The following GFRA2 variants were observed in gnomAD, a reference collection of about 807,000 sequenced individuals.
GFRA2 encodes the protein GDNF family receptor alpha-2.
In GFRA2, 17 loss-of-function variants were observed where a neutral mutation model predicts 48.3. The ratio of observed to expected loss-of-function variants is 0.35; its 90% CI spans 0.24 to 0.53. The LOEUF (loss-of-function observed/expected upper bound fraction) is 0.53, where lower values mean the gene tolerates loss of function less well. Among genes scored for constraint, GFRA2 ranks in the 20% least tolerant of loss-of-function variants. GFRA2 has a pLI of 0.93. For synonymous variants in GFRA2, 305 were observed against 257.2 expected, an observed-to-expected ratio of 1.19 and a Z score of -1.78; for missense variants, 660 against 637.3, an observed-to-expected ratio of 1.04 and a Z score of -0.38.
At chr8:21,737,510 G>A (rs1401812247) in intron 4 of GFRA2, among the ~76,000 whole-genome samples, 2 of 152,140 alleles carry the variant, frequency 1.3e-5, no homozygotes, top group Non-Finnish European at 2.9e-5. Flanking sequence ...TAGGTGTGGT[G>A]CCTGGGAGGA....
Position 21,761,202 on chromosome 8 carries a change from T to C in GFRA2, c.440-10260A>G, listed in dbSNP as rs565713456. On this transcript the variant is annotated intron_variant, in intron 3 of 8. Transcript: ENST00000524240. ...CCACACTTCACGTTGGATCTCCTCA[T>C]GGAGCATCCAACCCCAGCCCGCCCT... Among the ~76,000 whole-genome samples the C allele has an allele frequency of 9.7e-4, 147 of 152,310 alleles. 1 individual carries two copies. Among genetic ancestry groups the C allele is most frequent in the African/African-American group, 3.4e-3 (141 of 41,564 alleles).
chr8:21,718,376 C>G (rs746394190), intron 4 of GFRA2, among the ~76,000 whole-genome samples: 20 of 152,196 alleles, frequency 1.3e-4, no homozygotes, highest in Non-Finnish European at 2.6e-4. Context: ...CCGGTTAAAC[C>G]TCTTTCTTTT....
At chr8:21,758,622 C>T (rs1320776299) in intron 3 of GFRA2, among the ~76,000 whole-genome samples, 1 of 152,144 alleles carries the variant, frequency 6.6e-6, no homozygotes, top group Non-Finnish European at 1.5e-5. Flanking sequence ...CTGAAGAAGA[C>T]CCCAGGTAAA....
At chr8:21,786,623 C>G (rs1380569829) in intron 1 of GFRA2, among the ~76,000 whole-genome samples, 1 of 152,128 alleles carries the variant, frequency 6.6e-6, no homozygotes, top group Non-Finnish European at 1.5e-5. Context: ...CCTCCCACCC[C>G]AGAGAGAAGC....
intron 3 of GFRA2, among the ~76,000 whole-genome samples, chr8:21,759,468 GGGAGGGAAAGAA>G (rs1340844572): frequency 1.8e-3 from 198 of 110,930 alleles, no homozygotes; most frequent in South Asian, 4.3e-3. Flanking sequence ...GAGGGAGGGA[GGGAGGGAAAGAA>G]GGAAAGAAGG....
At chr8:21,704,208 T>G (rs1802627387) in intron 6 of GFRA2, among the ~76,000 whole-genome samples, 1 of 152,240 alleles carries the variant, frequency 6.6e-6, no homozygotes, top group African/African-American at 2.4e-5. Flanking sequence ...CCTCTTCAAC[T>G]GACCGATGCC....
chr8:21,725,293 T>A (rs931987728), intron 4 of GFRA2, among the ~76,000 whole-genome samples: 4 of 152,190 alleles, frequency 2.6e-5, no homozygotes, highest in African/African-American at 9.6e-5. Flanking sequence ...CAGATCCTAC[T>A]ACAAAGCAAT....
At chr8:21,756,579 C>G (rs1398370311) in intron 3 of GFRA2, among the ~76,000 whole-genome samples, 1 of 152,186 alleles carries the variant, frequency 6.6e-6, no homozygotes, top group Non-Finnish European at 1.5e-5. Context: ...ACAGCCACTG[C>G]CCTGCCACCT....
At chr8:21,795,899 G>GA (rs1375060725) in intron 2 of GFRA2, among the ~76,000 whole-genome samples, 1 of 152,148 alleles carries the variant, frequency 6.6e-6, no homozygotes, top group Non-Finnish European at 1.5e-5. Flanking sequence ...GGAGGGCAAG[G>GA]AAAAAGCACT....
At chr8:21,698,001 T>C (rs1047781112) in intron 7 of GFRA2, among the ~76,000 whole-genome samples, 2 of 152,142 alleles carry the variant, frequency 1.3e-5, no homozygotes, top group African/African-American at 4.8e-5. Context: ...ATTAGCAGCG[T>C]GAGAACAGAC....
intron 2 of GFRA2, among the ~76,000 whole-genome samples, chr8:21,777,320 G>A (rs1289060431): frequency 6.6e-6 from 1 of 152,078 alleles, no homozygotes; most frequent in Non-Finnish European, 1.5e-5. Flanking sequence ...GGTGCCCCGG[G>A]GTGGTGTGGG....
chr8:21,735,636 C>G (rs28445495), intron 4 of GFRA2, among the ~76,000 whole-genome samples: 15,976 of 152,182 alleles, frequency 0.1, 2,484 homozygotes, highest in African/African-American at 0.34. Context: ...AAAGAAACAA[C>G]AATATAGCCA....
At chr8:21,807,667 C>G (rs1807897536) in intron 1 of GFRA2, among the ~76,000 whole-genome samples, 1 of 152,182 alleles carries the variant, frequency 6.6e-6, no homozygotes, top group Admixed American at 6.5e-5. Context: ...ATGCACACCC[C>G]TTGTGTCTCC....
chr8:21,807,013 T>A (rs534461235), intron 1 of GFRA2, among the ~76,000 whole-genome samples: 1 of 152,332 alleles, frequency 6.6e-6, no homozygotes, highest in Admixed American at 6.5e-5. Context: ...TCCTTGTATC[T>A]CTTGTACCTA....
intron 4 of GFRA2, among the ~76,000 whole-genome samples, chr8:21,739,323 T>C (rs1804637275): frequency 6.6e-6 from 1 of 152,192 alleles, no homozygotes; most frequent in South Asian, 2.1e-4. Context: ...CCTCTAATGC[T>C]GGCAAGAGGA....
At chr8:21,764,216 AGGTGCT>A (rs1806046718) in intron 3 of GFRA2, among the ~76,000 whole-genome samples, 2 of 152,152 alleles carry the variant, frequency 1.3e-5, no homozygotes, top group South Asian at 4.1e-4. Context: ...TCCAACATCG[AGGTGCT>A]GGTGGATTTG....
intron 4 of GFRA2, among the ~76,000 whole-genome samples, chr8:21,742,430 G>A (rs764976301): frequency 7.2e-5 from 11 of 152,124 alleles, no homozygotes; most frequent in Non-Finnish European, 1.3e-4. Context: ...ATGGATCAAG[G>A]TGCCATCAAG....
At chr8:21,804,933 C>G (rs17581368) in intron 2 of GFRA2, 1 of 151,838 alleles carries the variant, frequency 6.6e-6, no homozygotes, top group African/African-American at 2.4e-5. Flanking sequence ...CCATCCCCAA[C>G]AGTGTCCACC....
chr8:21,753,048 A>G lies in GFRA2; in HGVS notation c.440-2106T>C, dbSNP rs112667738. On this transcript the variant is annotated intron_variant, in intron 3 of 8. Coordinates refer to ENST00000524240, the MANE Select transcript of GFRA2 (RefSeq NM_001495.5). The stretch of plus-strand genomic sequence containing the variant: ...TCTTCTCTCATCACAGCAGCTGGAG[A>G]GAACCTTCTAGAACCTACAGCAGAC... 4.7e-3 allele frequency among the ~76,000 whole-genome samples: 718 copies of G among 152,166 alleles called. 6 individuals carry two copies. Among genetic ancestry groups the G allele is most frequent in the African/African-American group, 0.017 (693 of 41,504 alleles).
Sources: gnomAD v4.1 joint callset for allele counts (sites outside exome capture counted in the v4.1 genomes callset) on GRCh38, gnomAD v4.1.1 for gene constraint, MANE v1.5 for transcripts, NCBI Gene and HGNC (gene_info 2026-07-23, HGNC 2026-07-21) for gene names.